The following SLC4A10 variants were observed in gnomAD, a reference collection of about 807,000 sequenced individuals.
The protein encoded by SLC4A10 is solute carrier family 4 member 10.
A neutral mutation model predicts 137.7 loss-of-function variants in SLC4A10; 42 were observed. The observed-to-expected ratio is 0.30, with a 90% confidence interval of 0.24 to 0.39. The LOEUF is 0.39. Ranked by LOEUF, SLC4A10 falls within the 10% of genes least tolerant of loss-of-function variation. SLC4A10 has a pLI of 1.00. For synonymous variants in SLC4A10, 474 were observed against 464.1 expected, an observed-to-expected ratio of 1.02 and a Z score of -0.27; for missense variants, 925 against 1,355.0, an observed-to-expected ratio of 0.68 and a Z score of 4.98.
intron 1 of SLC4A10, among the ~76,000 whole-genome samples, chr2:161,657,323 G>A (rs921712464): frequency 6.6e-6 from 1 of 151,818 alleles, no homozygotes; most frequent in South Asian, 2.1e-4. Context: ...CTAGGATAAA[G>A]CCTGGCACAT....
chr2:161,830,572 C>T (rs2058371341), intron 3 of SLC4A10, among the ~76,000 whole-genome samples: 1 of 149,544 alleles, frequency 6.7e-6, no homozygotes, highest in South Asian at 2.1e-4. Context: ...CAGAAACAAA[C>T]AAGCTGACAT....
chr2:161,966,575 C>T (rs138420669), intron 23 of SLC4A10, among the ~76,000 whole-genome samples: 4,329 of 151,766 alleles, frequency 0.029, 96 homozygotes, highest in African/African-American at 0.062. Context: ...ATGGTGAAAC[C>T]CCGTGTCCAC....
chr2:161,678,810 A>G (rs76091696), intron 1 of SLC4A10, among the ~76,000 whole-genome samples: 182 of 152,168 alleles, frequency 1.2e-3, no homozygotes, highest in African/African-American at 4.0e-3. Flanking sequence ...TCTTTTTTCT[A>G]TGTAGTATTT....
In SLC4A10 at chr2:161,675,421, C is replaced by A. The variant is rs545043763; in HGVS notation, c.48+50855C>A. Among the ~76,000 whole-genome samples, 847 of 152,228 alleles carry A rather than the reference C, an allele frequency of 5.6e-3. 8 individuals carry two copies. Among genetic ancestry groups the A allele is most frequent in the South Asian group, 0.012 (57 of 4,826 alleles). ...AAGGTTTCCTACGATCCATGTCTTG[C>A]CTTGGTAGCATTTTTCAAATAATAA... On this transcript the variant is annotated intron_variant, in intron 1 of 26. Transcript: ENST00000446997.
At chr2:161,743,794 G>A (rs2048149707) in intron 1 of SLC4A10, among the ~76,000 whole-genome samples, 1 of 151,954 alleles carries the variant, frequency 6.6e-6, no homozygotes, top group Non-Finnish European at 1.5e-5. Context: ...CATTTTGTGT[G>A]TGTCCTCTTC....
chr2:161,832,242 G>A (rs1053912592), intron 3 of SLC4A10, among the ~76,000 whole-genome samples: 1 of 152,092 alleles, frequency 6.6e-6, no homozygotes. Flanking sequence ...GATACTCTAG[G>A]TACTACTATT....
intron 1 of SLC4A10, among the ~76,000 whole-genome samples, chr2:161,732,960 T>A (rs2046964103): frequency 1.3e-5 from 2 of 152,168 alleles, no homozygotes. Flanking sequence ...TTAGGGTACC[T>A]GGTGGAATAA....
chr2:161,799,784 CAG>C (rs1473270468), intron 2 of SLC4A10, among the ~76,000 whole-genome samples: 1 of 151,764 alleles, frequency 6.6e-6, no homozygotes, highest in East Asian at 1.9e-4. Context: ...TGGATCAAGA[CAG>C]AGAATTATTA....
intron 1 of SLC4A10, among the ~76,000 whole-genome samples, chr2:161,658,939 T>C (rs1035583194): frequency 1.2e-4 from 18 of 152,274 alleles, no homozygotes; most frequent in African/African-American, 2.4e-5. Flanking sequence ...TAATTGCCAC[T>C]TACATGCTGT....
At chr2:161,940,718 A>T (rs1390512323) in intron 15 of SLC4A10, among the ~76,000 whole-genome samples, 1 of 152,206 alleles carries the variant, frequency 6.6e-6, no homozygotes, top group Non-Finnish European at 1.5e-5. Context: ...CGTGAAAGAG[A>T]CAAGCTAAAC....
rs535696374 is a variant in SLC4A10 at position 161,692,498 on chromosome 2, T to C, written c.48+67932T>C. Among the ~76,000 whole-genome samples the C allele has an allele frequency of 5.9e-5, 9 of 152,184 alleles. No homozygotes were observed. In the South Asian group the frequency reaches 1.7e-3, roughly 28 times the overall value. On this transcript the variant is annotated intron_variant, in intron 1 of 26. Coordinates refer to ENST00000446997, the MANE Select transcript of SLC4A10 (RefSeq NM_001178015.2). ...TCCTTGAGAGAATTGAACTTTTAAG[T>C]CAGTACTTAACACGTAATATGAAAT...
chr2:161,813,216 T>C (rs1347291476), intron 3 of SLC4A10, among the ~76,000 whole-genome samples: 2 of 152,122 alleles, frequency 1.3e-5, no homozygotes. Flanking sequence ...TTTTTCCTTT[T>C]TTTCTCATTT....
At chr2:161,700,825 G>A (rs114453501) in intron 1 of SLC4A10, among the ~76,000 whole-genome samples, 2,882 of 152,096 alleles carry the variant, frequency 0.019, 85 homozygotes, top group African/African-American at 0.066. Flanking sequence ...TCTGCTCTAC[G>A]CGCTCTGTAG....
At chr2:161,705,408 T>C (rs2043549522) in intron 1 of SLC4A10, among the ~76,000 whole-genome samples, 1 of 151,564 alleles carries the variant, frequency 6.6e-6, no homozygotes, top group East Asian at 1.9e-4. Context: ...AAATGAGTAG[T>C]AATTATTATA....
intron 1 of SLC4A10, among the ~76,000 whole-genome samples, chr2:161,753,084 A>C (rs1449531932): frequency 2.6e-5 from 4 of 152,192 alleles, no homozygotes; most frequent in Non-Finnish European, 5.9e-5. Context: ...AAAATGAAGT[A>C]TTTCTCCTAT....
intron 1 of SLC4A10, among the ~76,000 whole-genome samples, chr2:161,657,133 C>T (rs920807981): frequency 2.0e-5 from 3 of 151,752 alleles, no homozygotes; most frequent in African/African-American, 7.3e-5. Context: ...AATAATTTTC[C>T]CTTCTGAATA....
At chr2:161,936,065 A>G (rs1411859557) in intron 15 of SLC4A10, among the ~76,000 whole-genome samples, 1 of 152,064 alleles carries the variant, frequency 6.6e-6, no homozygotes, top group Non-Finnish European at 1.5e-5. Context: ...GTTCTTTATT[A>G]TATTAATGTA....
At chr2:161,878,892 C>T (rs2061586956) in intron 8 of SLC4A10, among the ~76,000 whole-genome samples, 1 of 151,982 alleles carries the variant, frequency 6.6e-6, no homozygotes, top group Admixed American at 6.6e-5. Flanking sequence ...GGAGAAACTT[C>T]TTTTAAAAAT....
At chr2:161,974,121 A>G (rs761521053) in intron 23 of SLC4A10, 128 bp from the exon 24 acceptor site, 28 of 661,354 alleles carry the variant, frequency 4.2e-5, no homozygotes, top group Non-Finnish European at 6.7e-5. Flanking sequence ...TGCTAACATT[A>G]ATAAATGCAA....
Sources: allele counts gnomAD v4.1 joint callset (sites outside exome capture counted in the v4.1 genomes callset), GRCh38; gene constraint gnomAD v4.1.1; transcripts MANE v1.5; gene names NCBI Gene and HGNC (gene_info 2026-07-23, HGNC 2026-07-21).